The following UBE2V2 variants were observed in gnomAD, a reference collection of about 807,000 sequenced individuals.
UBE2V2 encodes ubiquitin-conjugating enzyme E2 variant 2.
In UBE2V2, 9 loss-of-function variants were observed where a neutral mutation model predicts 17.2. That is an observed-to-expected ratio of 0.52 (90% CI 0.32 to 0.91). The LOEUF is 0.91. Among genes scored for constraint, UBE2V2 ranks in the 40% least tolerant of loss-of-function variants. The probability of loss-of-function intolerance (pLI) is 0.04; values close to 1 mark genes in which losing one functional copy is unlikely to be tolerated. For missense variants in UBE2V2, 133 were observed against 182.6 expected, an observed-to-expected ratio of 0.73 and a Z score of 1.56; for synonymous variants, 61 against 57.5, an observed-to-expected ratio of 1.06 and a Z score of -0.28.
At position 48,038,761 on chromosome 8, in the gene UBE2V2, G is replaced by A. The variant is rs185265855; in HGVS notation, c.17-4272G>A. 5.3e-3 allele frequency among the ~76,000 whole-genome samples: 798 copies of A among 151,894 alleles called. 12 individuals are homozygous for A. Among genetic ancestry groups the A allele is most frequent in the African/African-American group, 0.018 (766 of 41,414 alleles). ...CTCTCAAAGTGCTGGGATTACAGGC[G>A]TGAGCTACCATGTCCAGCCACCCAG... On this transcript the variant is annotated intron_variant, in intron 1 of 3. Coordinates refer to ENST00000523111, the MANE Select transcript of UBE2V2 (RefSeq NM_003350.3).
intron 3 of UBE2V2, among the ~76,000 whole-genome samples, chr8:48,054,287 G>A (rs940009933): frequency 6.6e-6 from 1 of 152,110 alleles, no homozygotes; most frequent in Admixed American, 6.6e-5. Context: ...CTAGAAGTGT[G>A]CCGTGGCGTG....
intron 1 of UBE2V2, among the ~76,000 whole-genome samples, chr8:48,031,251 AC>A (rs1220033191): frequency 3.9e-5 from 6 of 152,042 alleles, no homozygotes; most frequent in East Asian, 1.9e-4. Flanking sequence ...CAACAAAAAA[AC>A]AACTTAGCCT....
intron 1 of UBE2V2, among the ~76,000 whole-genome samples, chr8:48,010,201 T>C (rs573196912): frequency 6.6e-6 from 1 of 151,988 alleles, no homozygotes; most frequent in South Asian, 2.1e-4. Flanking sequence ...TAAAGATTAC[T>C]GATAAATTAT....
chr8:48,028,346 T>C (rs548626709), intron 1 of UBE2V2, among the ~76,000 whole-genome samples: 38 of 150,944 alleles, frequency 2.5e-4, no homozygotes, highest in African/African-American at 9.0e-4. Context: ...TTCTTTTTTT[T>C]TTTTTTTTTG....
At chr8:48,011,232 A>C (rs1157342171) in intron 1 of UBE2V2, among the ~76,000 whole-genome samples, 1 of 152,044 alleles carries the variant, frequency 6.6e-6, no homozygotes, top group Non-Finnish European at 1.5e-5. Context: ...CAATGGTGCG[A>C]TCTCGGCTGA....
At chr8:48,014,911 G>A (rs770561356) in intron 1 of UBE2V2, among the ~76,000 whole-genome samples, 1 of 151,504 alleles carries the variant, frequency 6.6e-6, no homozygotes, top group African/African-American at 2.4e-5. Flanking sequence ...CTAGCCGGGC[G>A]TGGTGACAGG....
the UBE2V2 span, among the ~76,000 whole-genome samples, chr8:48,003,238 A>G: frequency 5.9e-5 from 9 of 151,844 alleles, no homozygotes; most frequent in Admixed American, 3.3e-4. Flanking sequence ...AAAAGAGAGA[A>G]TTTAGTTCTC....
chr8:48,059,160 C>G (rs2154508270), intron 3 of UBE2V2, among the ~76,000 whole-genome samples: 1 of 151,812 alleles, frequency 6.6e-6, no homozygotes, highest in East Asian at 1.9e-4. Context: ...TTCTCGAACT[C>G]CTGAACTCAG....
At chr8:48,005,197 T>C (rs2091176231), upstream of UBE2V2, among the ~76,000 whole-genome samples, 1 of 151,636 alleles carries the variant, frequency 6.6e-6, no homozygotes, top group South Asian at 2.1e-4. Flanking sequence ...GGCCCCAGTG[T>C]GTGATGTTCC....
chr8:48,055,122 T>G (rs1187411968), intron 3 of UBE2V2, among the ~76,000 whole-genome samples: 1 of 152,106 alleles, frequency 6.6e-6, no homozygotes, highest in Non-Finnish European at 1.5e-5. Context: ...CTCTTTAAAG[T>G]GAAAGTGTTA....
intron 1 of UBE2V2, among the ~76,000 whole-genome samples, chr8:48,024,999 A>G (rs1046931707): frequency 3.3e-5 from 5 of 151,034 alleles, no homozygotes. Flanking sequence ...CAGTGGTGCA[A>G]TCTCAGCTCA....
intron 2 of UBE2V2, among the ~76,000 whole-genome samples, chr8:48,048,243 C>T (rs927549591): frequency 6.6e-6 from 1 of 152,148 alleles, no homozygotes; most frequent in Admixed American, 6.5e-5. Context: ...GAAGTCTGAG[C>T]AATTCAGTTG....
At chr8:48,028,601 G>A (rs747846118) in intron 1 of UBE2V2, among the ~76,000 whole-genome samples, 6 of 152,118 alleles carry the variant, frequency 3.9e-5, no homozygotes, top group Non-Finnish European at 5.9e-5. Context: ...GCCTCCCAAA[G>A]TGCTGGAATT....
At chr8:48,001,818 A>G in the UBE2V2 span, among the ~76,000 whole-genome samples, 2 of 152,236 alleles carry the variant, frequency 1.3e-5, no homozygotes, top group South Asian at 2.1e-4. Flanking sequence ...GGCTCAGCAC[A>G]GTGGCTCATG....
At chr8:48,004,783 C>G (rs1433960451), upstream of UBE2V2, among the ~76,000 whole-genome samples, 1 of 152,006 alleles carries the variant, frequency 6.6e-6, no homozygotes, top group South Asian at 2.1e-4. Flanking sequence ...CCTGCCTTGG[C>G]CTCCTGAAGT....
intron 3 of UBE2V2, among the ~76,000 whole-genome samples, chr8:48,053,419 T>G (rs1289794134): frequency 6.6e-6 from 1 of 151,776 alleles, no homozygotes; most frequent in Admixed American, 6.6e-5. Flanking sequence ...AACAGATCTT[T>G]TAATTTTTTT....
the UBE2V2 span, among the ~76,000 whole-genome samples, chr8:47,999,362 C>T: frequency 1.2e-4 from 17 of 145,388 alleles, no homozygotes; most frequent in African/African-American, 3.3e-4. Flanking sequence ...TAGACTTCCC[C>T]TTTTTTTTTT....
rs542782609 is a variant in UBE2V2 at position 48,017,902 on chromosome 8, A to C, written c.16+9432A>C. ...CAACCTGTCACCCAGGCTGGAGTGC[A>C]GTGGCATAGTCACGGCTCGCTGCAG... On this transcript the variant is annotated intron_variant, in intron 1 of 3. Coordinates refer to ENST00000523111, the MANE Select transcript of UBE2V2 (RefSeq NM_003350.3). Among the ~76,000 whole-genome samples the C allele has an allele frequency of 2.7e-5, 4 of 146,624 alleles. No homozygotes were observed. In the East Asian group the frequency reaches 8.0e-4, roughly 29 times the overall value.
intron 3 of UBE2V2, among the ~76,000 whole-genome samples, chr8:48,060,143 G>A (rs1802571671): frequency 6.8e-6 from 1 of 146,838 alleles, no homozygotes; most frequent in Non-Finnish European, 1.5e-5. Context: ...CTGGGAGGCG[G>A]AAGTTGCAGT....
Sources: allele counts gnomAD v4.1 joint callset (sites outside exome capture counted in the v4.1 genomes callset), GRCh38; gene constraint gnomAD v4.1.1; transcripts MANE v1.5; gene names NCBI Gene and HGNC (gene_info 2026-07-23, HGNC 2026-07-21).